The following ALDH2 variants were observed in gnomAD, a reference collection of about 807,000 sequenced individuals.
The protein encoded by ALDH2 is aldehyde dehydrogenase, mitochondrial.
Under a neutral mutation model 59.6 loss-of-function variants are expected in ALDH2, and 44 were observed. The ratio of observed to expected loss-of-function variants is 0.74; its 90% CI spans 0.58 to 0.95. ALDH2 has a LOEUF of 0.95. Among genes scored for constraint, ALDH2 ranks in the 40% least tolerant of loss-of-function variants. ALDH2 has a pLI of 0.00. For missense variants in ALDH2, 570 were observed against 696.3 expected (o/e 0.82, Z 2.04); for synonymous variants, 291 against 284.0 (o/e 1.02, Z -0.25).
chr12:111,804,304 A>AG (rs1176417044), intron 12 of ALDH2, among the ~76,000 whole-genome samples: 1 of 152,140 alleles, frequency 6.6e-6, no homozygotes, highest in Non-Finnish European at 1.5e-5. Context: ...AGAAATACTG[A>AG]GGGACGTGCC....
intron 1 of ALDH2, among the ~76,000 whole-genome samples, chr12:111,774,788 C>T (rs2068223290): frequency 6.6e-6 from 1 of 152,134 alleles, no homozygotes; most frequent in Non-Finnish European, 1.5e-5. Context: ...GTCCAGTTGT[C>T]CTGCTCTGGG....
chr12:111,774,145 G>C (rs1327010912), intron 1 of ALDH2, among the ~76,000 whole-genome samples: 1 of 152,114 alleles, frequency 6.6e-6, no homozygotes, highest in African/African-American at 2.4e-5. Context: ...TCTTTGAAGT[G>C]GTGAAAAAAG....
intron 4 of ALDH2, 109 bp from the exon 5 acceptor site, chr12:111,789,714 A>G (rs1050219308): frequency 1.7e-5 from 16 of 916,530 alleles, no homozygotes; most frequent in Non-Finnish European, 2.4e-5. Context: ...AAGCAAAGAC[A>G]GTTTTCAGAA....
chr12:111,788,142 G>A (rs965255854), intron 4 of ALDH2, among the ~76,000 whole-genome samples: 12 of 152,142 alleles, frequency 7.9e-5, no homozygotes, highest in African/African-American at 2.2e-4. Flanking sequence ...CCTGGGAGGC[G>A]GAGGTTGCAG....
rs1332571259 is a variant in ALDH2, at chr12:111,810,311, GTAAA to G, written c.*742_*745del. 2 of 152,182 alleles carry G rather than the reference GTAAA, an allele frequency of 1.3e-5. No homozygotes were observed. The highest frequency in any genetic ancestry group is 3.8e-4 in the East Asian group (2 of 5,198). The allele number at this position is 152,182 out of a possible 1,614,324, so 9.4% of individuals were successfully genotyped here. A position where few individuals can be genotyped will look rare whatever the true frequency, so the allele number is the denominator to read the frequency against. ...AGAGCGAGACTCCATCTCAAAAAAA[GTAAA>G]TAAATGAAATAGCCTAAGGAAATGC... On this transcript the variant is annotated 3_prime_UTR_variant, in exon 13 of 13. Coordinates refer to ENST00000261733, the MANE Select transcript of ALDH2 (RefSeq NM_000690.4).
At chr12:111,802,179 C>T (rs1192907721) in intron 11 of ALDH2, among the ~76,000 whole-genome samples, 5 of 151,934 alleles carry the variant, frequency 3.3e-5, no homozygotes, top group Non-Finnish European at 5.9e-5. Flanking sequence ...TTTGGGAGTC[C>T]GAAGTAGGTG....
chr12:111,788,652 A>G (rs528053256), intron 4 of ALDH2, among the ~76,000 whole-genome samples: 1 of 152,326 alleles, frequency 6.6e-6, no homozygotes, highest in East Asian at 1.9e-4. Flanking sequence ...CTGGGCTTGC[A>G]TAGATTGGCA....
rs1159984603 is a variant in ALDH2 at position 111,804,877 on chromosome 12, A to G, written c.1521+904A>G. ...TATTAGGCATGAGATATCAAGGCCC[A>G]TAACCATATGCATCTCCTTTGATTT... On this transcript the variant is annotated intron_variant, in intron 12 of 12. Coordinates refer to ENST00000261733, the MANE Select transcript of ALDH2 (RefSeq NM_000690.4). 3.9e-5 allele frequency among the ~76,000 whole-genome samples: 6 copies of G among 152,216 alleles called. No homozygotes were observed. The South Asian group carries it at 8.3e-4, about 21-fold the overall frequency.
In ALDH2 at chr12:111,792,090, G is replaced by C; in HGVS notation, c.825G>C (p.Gly275=). The C allele has an allele frequency of 1.2e-6, 2 of 1,609,970 alleles. No individual in the cohort carries two copies. The highest frequency in any genetic ancestry group is 8.5e-7 in the Non-Finnish European group (1 of 1,178,274). Residue 275 remains glycine, a synonymous_variant, in exon 8 of 13, where the codon GGG becomes GGC. Transcript: ENST00000261733. ...EIGRVIQVAA[G]SSNLKRVTLE... is the part of the protein sequence containing the mutation. ...GCCGCGTAATCCAGGTTGCTGCTGGGAGCAGCAACCTCAAGAGAGTGACCT... is the reference window on the plus strand; with the variant it reads ...GCCGCGTAATCCAGGTTGCTGCTGGCAGCAGCAACCTCAAGAGAGTGACCT...
intron 1 of ALDH2, among the ~76,000 whole-genome samples, chr12:111,776,233 G>T (rs1387759552): frequency 6.6e-6 from 1 of 152,150 alleles, no homozygotes; most frequent in Non-Finnish European, 1.5e-5. Flanking sequence ...ATGCTTTGGT[G>T]CAGGGAACAA....
chr12:111,767,767 ACTTTG>A (rs1371160740), intron 1 of ALDH2, among the ~76,000 whole-genome samples: 1 of 152,222 alleles, frequency 6.6e-6, no homozygotes, highest in Non-Finnish European at 1.5e-5. Context: ...AATCAGTAAT[ACTTTG>A]GAATATTTTT....
At chr12:111,798,351 C>A in intron 10 of ALDH2, 109 bp downstream of exon 10, 1 of 1,233,342 alleles carries the variant, frequency 8.1e-7, no homozygotes, top group Non-Finnish European at 1.1e-6. Flanking sequence ...GGGGCCAGAT[C>A]TCAAGTTATA....
intron 2 of ALDH2, 24 bp downstream of exon 2, chr12:111,782,046 G>A (rs752989672): frequency 3.6e-5 from 56 of 1,546,638 alleles, no homozygotes; most frequent in Non-Finnish European, 4.5e-5. Flanking sequence ...ACTTACCTTG[G>A]GGGAGGGATG....
Position 111,809,963 on chromosome 12 carries a change from A to G in ALDH2, c.*388A>G, listed in dbSNP as rs913063707. Reference sequence around the variant, plus strand: ...TTGTATTCTGGGCTAAGATTCATTAAAAACTAGCTGCTCTTAACTTACTGG... The same window carrying G: ...TTGTATTCTGGGCTAAGATTCATTAGAAACTAGCTGCTCTTAACTTACTGG... On this transcript the variant is annotated 3_prime_UTR_variant, in exon 13 of 13. Coordinates refer to ENST00000261733, the MANE Select transcript of ALDH2 (RefSeq NM_000690.4). 5 of 268,614 alleles carry G rather than the reference A, an allele frequency of 1.9e-5. No homozygotes were observed. In the Admixed American group the frequency reaches 2.1e-4, roughly 11 times the overall value. The allele number at this position is 268,614 out of a possible 1,614,324, so 16.6% of individuals were successfully genotyped here.
At chr12:111,804,657 G>C (rs548570403) in intron 12 of ALDH2, among the ~76,000 whole-genome samples, 1 of 151,614 alleles carries the variant, frequency 6.6e-6, no homozygotes, top group Admixed American at 6.6e-5. Flanking sequence ...TGAGGCAGGA[G>C]AATCGCTTGA....
chr12:111,791,420 G>A lies in ALDH2; in HGVS notation c.795+1G>A, dbSNP rs757980778. The A allele has an allele frequency of 6.2e-7, 1 of 1,609,790 alleles. No homozygotes were observed. The highest frequency in any genetic ancestry group is 1.3e-5 in the African/African-American group (1 of 74,954). The stretch of plus-strand genomic sequence containing the variant: ...AGTGGCATTCACAGGCTCCACTGAG[G>A]TAAGGTGACCCTGGCCTCAAGCTTG... On this transcript the variant is annotated splice_donor_variant, in intron 7 of 12. Coordinates refer to ENST00000261733, the MANE Select transcript of ALDH2 (RefSeq NM_000690.4). LOFTEE classifies it high-confidence loss of function.
At chr12:111,777,204 C>T (rs2068240153) in intron 1 of ALDH2, among the ~76,000 whole-genome samples, 1 of 152,198 alleles carries the variant, frequency 6.6e-6, no homozygotes, top group African/African-American at 2.4e-5. Flanking sequence ...CTGGACTCTT[C>T]TGTGCCCAGC....
intron 1 of ALDH2, among the ~76,000 whole-genome samples, chr12:111,779,590 G>T (rs745602669): frequency 1.3e-5 from 2 of 152,196 alleles, no homozygotes; most frequent in African/African-American, 2.4e-5. Context: ...TTTATGGTCC[G>T]AGACTCTGGC....
At chr12:111,767,169 G>C (rs2068165467) in intron 1 of ALDH2, 73 bp downstream of exon 1, 1 of 1,222,318 alleles carries the variant, frequency 8.2e-7, no homozygotes, top group Non-Finnish European at 1.1e-6. Flanking sequence ...AAGGCCCCGC[G>C]CCGCCGTGGG....
Sources: allele counts gnomAD v4.1 joint callset (sites outside exome capture counted in the v4.1 genomes callset), GRCh38; gene constraint gnomAD v4.1.1; transcripts MANE v1.5; gene names NCBI Gene and HGNC (gene_info 2026-07-23, HGNC 2026-07-21).